The following MGAT4C variants were observed in gnomAD, a reference collection of about 807,000 sequenced individuals.
MGAT4C encodes MGAT4 family member C.
MGAT4C carries 19 observed loss-of-function variants against 40.1 expected under a neutral mutation model. The observed-to-expected ratio is 0.47, with a 90% CI of 0.33 to 0.70. The LOEUF (loss-of-function observed/expected upper bound fraction) is 0.70. Among genes scored for constraint, MGAT4C ranks in the 30% least tolerant of loss-of-function variants. The pLI, the probability that MGAT4C is intolerant of heterozygous loss-of-function variation, is 0.02. For missense variants in MGAT4C, 491 were observed against 563.2 expected, an observed-to-expected ratio of 0.87 and a Z score of 1.30; for synonymous variants, 181 against 187.1, an observed-to-expected ratio of 0.97 and a Z score of 0.27.
chr12:86,007,697 A>G (rs1888042028), intron 2 of MGAT4C, among the ~76,000 whole-genome samples: 4 of 152,126 alleles, frequency 2.6e-5, no homozygotes, highest in Admixed American at 2.6e-4. Context: ...AAAGGTGAAC[A>G]GTATTTTTCG....
intron 2 of MGAT4C, among the ~76,000 whole-genome samples, chr12:86,603,128 G>C (rs968464222): frequency 2.0e-5 from 3 of 150,264 alleles, no homozygotes; most frequent in African/African-American, 7.4e-5. Context: ...GGAGATGTTA[G>C]CAAAAGCGTA....
chr12:86,660,805 C>G (rs1161188872), intron 2 of MGAT4C, among the ~76,000 whole-genome samples: 2 of 152,090 alleles, frequency 1.3e-5, no homozygotes, highest in Non-Finnish European at 2.9e-5. Flanking sequence ...TTGGGACATT[C>G]TATATACCAT....
At chr12:86,137,454 C>T (rs1882132837) in intron 1 of MGAT4C, among the ~76,000 whole-genome samples, 1 of 152,192 alleles carries the variant, frequency 6.6e-6, no homozygotes, top group Non-Finnish European at 1.5e-5. Flanking sequence ...CAGGCTCCTT[C>T]TTAAAACCAT....
At chr12:86,380,252 C>A (rs894313265) in intron 3 of MGAT4C, among the ~76,000 whole-genome samples, 3 of 152,082 alleles carry the variant, frequency 2.0e-5, no homozygotes, top group African/African-American at 7.2e-5. Context: ...AGGCTTCACA[C>A]TGACATTAAA....
At chr12:86,816,409 T>A (rs575102655) in intron 1 of MGAT4C, among the ~76,000 whole-genome samples, 103 of 151,932 alleles carry the variant, frequency 6.8e-4, no homozygotes, top group African/African-American at 2.4e-3. Context: ...TTTATCAGAA[T>A]ATTTTACTTT....
chr12:86,255,910 G>T (rs1952496897), intron 1 of MGAT4C, among the ~76,000 whole-genome samples: 1 of 152,078 alleles, frequency 6.6e-6, no homozygotes, highest in Non-Finnish European at 1.5e-5. Flanking sequence ...AAAATATAGA[G>T]AAATGATGCA....
chr12:86,774,141 A>G (rs1043315609), intron 1 of MGAT4C, among the ~76,000 whole-genome samples: 2 of 151,334 alleles, frequency 1.3e-5, no homozygotes, highest in Non-Finnish European at 2.9e-5. Context: ...TTTAGTAAAC[A>G]TCGGATTTCA....
intron 2 of MGAT4C, among the ~76,000 whole-genome samples, chr12:86,006,973 G>T (rs7136221): frequency 0.25 from 37,298 of 151,974 alleles, 5,276 homozygotes; most frequent in Non-Finnish European, 0.32. Flanking sequence ...AGTAATAAGG[G>T]TCATGATGAA....
chr12:86,530,037 T>G (rs1005602863), intron 2 of MGAT4C, among the ~76,000 whole-genome samples: 23 of 152,006 alleles, frequency 1.5e-4, no homozygotes, highest in African/African-American at 5.3e-4. Flanking sequence ...CTTTTTTAAT[T>G]TATTTAGTTT....
chr12:86,730,972 A>G (rs1473730994), intron 1 of MGAT4C, among the ~76,000 whole-genome samples: 3 of 152,090 alleles, frequency 2.0e-5, no homozygotes, highest in Admixed American at 6.6e-5. Context: ...AAATGAAAAA[A>G]CTGGTCACAG....
At chr12:86,458,763 AT>A (rs1311895401) in intron 2 of MGAT4C, among the ~76,000 whole-genome samples, 1 of 152,110 alleles carries the variant, frequency 6.6e-6, no homozygotes, top group African/African-American at 2.4e-5. Context: ...TCAGCAAGGC[AT>A]TTTTTTCTGT....
upstream of MGAT4C, among the ~76,000 whole-genome samples, chr12:86,261,205 T>C (rs546452601): frequency 2.0e-5 from 3 of 152,228 alleles, no homozygotes; most frequent in Admixed American, 6.5e-5. Context: ...ATTTTAAGAA[T>C]TGGTGAACCT....
chr12:86,713,836 A>G (rs917139761), intron 2 of MGAT4C, among the ~76,000 whole-genome samples: 1 of 152,124 alleles, frequency 6.6e-6, no homozygotes, highest in East Asian at 1.9e-4. Flanking sequence ...TTTAGGCCTC[A>G]GCACCTACGG....
rs1240619778 is a variant in MGAT4C at position 85,959,629 on chromosome 12, A to T, written c.*19660T>A. The T allele has an allele frequency of 6.6e-6, 1 of 151,922 alleles. No individual in the cohort carries two copies. Among genetic ancestry groups the T allele is most frequent in the Non-Finnish European group, 1.5e-5 (1 of 67,938 alleles). The allele number at this position is 151,922 out of a possible 1,614,324, so 9.4% of individuals were successfully genotyped here. ...AAATCTGACCCAGCCACTTGAATAA[A>T]TAAGTTGTGTTGTAGTTTCTCAGAG... On this transcript the variant is annotated 3_prime_UTR_variant, in exon 5 of 5. Transcript: ENST00000611864.
At chr12:86,136,736 C>T (rs778492300) in intron 1 of MGAT4C, among the ~76,000 whole-genome samples, 5 of 151,766 alleles carry the variant, frequency 3.3e-5, no homozygotes, top group South Asian at 4.2e-4. Flanking sequence ...TCATCCGGTC[C>T]GGCATGCAAT....
chr12:86,271,488 A>G (rs768471128), intron 4 of MGAT4C, among the ~76,000 whole-genome samples: 15 of 152,238 alleles, frequency 9.9e-5, no homozygotes, highest in Non-Finnish European at 2.2e-4. Context: ...ATACCTGTCA[A>G]AATGATTATT....
At chr12:86,168,784 A>G (rs1260866961) in intron 1 of MGAT4C, among the ~76,000 whole-genome samples, 1 of 152,174 alleles carries the variant, frequency 6.6e-6, no homozygotes, top group Non-Finnish European at 1.5e-5. Flanking sequence ...TAGTAAATAC[A>G]GATGACCTGA....
At chr12:86,479,578 C>A (rs1014343148) in intron 2 of MGAT4C, among the ~76,000 whole-genome samples, 1 of 151,654 alleles carries the variant, frequency 6.6e-6, no homozygotes, top group South Asian at 2.1e-4. Context: ...ACTTGAAATA[C>A]CTTGGGCAGT....
At chr12:86,550,248 A>C (rs1959283693) in intron 2 of MGAT4C, among the ~76,000 whole-genome samples, 1 of 152,094 alleles carries the variant, frequency 6.6e-6, no homozygotes, top group Non-Finnish European at 1.5e-5. Flanking sequence ...TTCCTTTATA[A>C]ACTACCCTGT....
Sources: gnomAD v4.1 joint callset for allele counts (sites outside exome capture counted in the v4.1 genomes callset) on GRCh38, gnomAD v4.1.1 for gene constraint, MANE v1.5 for transcripts, NCBI Gene and HGNC (gene_info 2026-07-23, HGNC 2026-07-21) for gene names.